RBM19: variants seen among roughly 807,000 people sequenced by gnomAD.
RBM19 encodes RNA binding motif protein 19.
RBM19 carries 94 observed loss-of-function variants against 116.8 expected under a neutral mutation model. That is an observed-to-expected ratio of 0.80 (90% CI 0.68 to 0.95). The LOEUF is 0.95. Among genes scored for constraint, RBM19 ranks in the 40% least tolerant of loss-of-function variants. The pLI is 0.00. For missense variants in RBM19, 1,161 were observed against 1,220.7 expected (o/e 0.95, Z 0.73); for synonymous variants, 475 against 494.1 (o/e 0.96, Z 0.51).
intron 22 of RBM19, among the ~76,000 whole-genome samples, chr12:113,853,633 C>G (rs895421525): frequency 6.6e-6 from 1 of 152,186 alleles, no homozygotes; most frequent in Non-Finnish European, 1.5e-5. Flanking sequence ...GAGGTGGCAG[C>G]TTCTAACTGG....
chr12:113,939,891 C>T, intron 15 of RBM19, 69 bp downstream of exon 15: 3 of 1,531,984 alleles, frequency 2.0e-6, no homozygotes, highest in East Asian at 2.3e-5. Flanking sequence ...TAGCCCACTG[C>T]ACCCTCTCCC....
At chr12:113,935,712 G>A (rs1477180127) in intron 16 of RBM19, among the ~76,000 whole-genome samples, 1 of 152,182 alleles carries the variant, frequency 6.6e-6, no homozygotes, top group Non-Finnish European at 1.5e-5. Context: ...ACAAGGCAGG[G>A]GAGGTTAGGT....
rs556689009 is a variant in RBM19, at chr12:113,878,846, G to A, written c.2559-19950C>T. On this transcript the variant is annotated intron_variant, in intron 21 of 23. Transcript: ENST00000261741. ...GAATTGAAAAAAAAAAAAAAAAAGG[G>A]GGGGGTGGTGAGAGGGTGAGATTGG... Among the ~76,000 whole-genome samples, 3 of 151,432 alleles carry A rather than the reference G, an allele frequency of 2.0e-5. No homozygotes were observed. The South Asian group carries it at 6.3e-4, about 32-fold the overall frequency.
intron 21 of RBM19, among the ~76,000 whole-genome samples, chr12:113,892,773 C>T (rs559607339): frequency 1.3e-5 from 2 of 152,126 alleles, no homozygotes; most frequent in Non-Finnish European, 2.9e-5. Flanking sequence ...CCTCCTCGCC[C>T]TCCCCTGACA....
intron 23 of RBM19, among the ~76,000 whole-genome samples, chr12:113,843,038 A>G (rs576384605): frequency 3.7e-4 from 57 of 152,308 alleles, no homozygotes; most frequent in African/African-American, 1.3e-3. Flanking sequence ...TTCCAAGTCC[A>G]CTTGTGGGGG....
At chr12:113,884,312 C>CACACAT (rs1880380873) in intron 21 of RBM19, among the ~76,000 whole-genome samples, 1 of 150,822 alleles carries the variant, frequency 6.6e-6, no homozygotes, top group African/African-American at 2.4e-5. Flanking sequence ...CACACACACA[C>CACACAT]ACACACACAC....
intron 21 of RBM19, among the ~76,000 whole-genome samples, chr12:113,873,379 C>T (rs1879428370): frequency 2.3e-5 from 1 of 44,160 alleles, no homozygotes; most frequent in African/African-American, 8.0e-5. Context: ...TGTGACCTTA[C>T]CCCCAACCCT....
At position 113,962,374 on chromosome 12, in the gene RBM19, C is replaced by T. The variant is rs984923396; in HGVS notation, c.77G>A (p.Gly26Asp). The change falls in exon 2 of 24, where the codon GGC (glycine) becomes GAC (aspartate). Residue 26 changes from glycine to aspartate, a missense_variant. By Grantham distance (94) the Gly-to-Asp change is moderately conservative. Transcript: ENST00000261741. ...ERFRQLFAAF[G>D]TLTDCSLKFT... ...CTTCAGGCTGCAGTCTGTCAGCGTG[C>T]CGAAGGCGGCAAACAGCTGCCTGAA... 1.2e-6 allele frequency: 2 copies of T among 1,614,090 alleles called. No homozygotes were observed. The highest frequency in any genetic ancestry group is 1.7e-6 in the Non-Finnish European group (2 of 1,180,012).
intron 21 of RBM19, among the ~76,000 whole-genome samples, chr12:113,863,914 C>T (rs961709558): frequency 1.3e-5 from 2 of 152,244 alleles, no homozygotes; most frequent in African/African-American, 4.8e-5. Context: ...ACACGCACAT[C>T]TGTCCATTCA....
At chr12:113,854,474 C>G (rs1477816516) in intron 22 of RBM19, among the ~76,000 whole-genome samples, 1 of 152,084 alleles carries the variant, frequency 6.6e-6, no homozygotes, top group Admixed American at 6.5e-5. Flanking sequence ...CTCCTTCCCC[C>G]ATCAACCTCT....
intron 21 of RBM19, among the ~76,000 whole-genome samples, chr12:113,865,606 G>C (rs950686560): frequency 6.6e-6 from 1 of 152,102 alleles, no homozygotes; most frequent in African/African-American, 2.4e-5. Context: ...CCGAGTGCCA[G>C]GTCCCTATAC....
At position 113,960,055 on chromosome 12, in the gene RBM19, A is replaced by T; in HGVS notation, c.339+4T>A. 1 of 1,614,174 alleles carries T rather than the reference A, an allele frequency of 6.2e-7. No homozygotes were observed. Among genetic ancestry groups the T allele is most frequent in the Non-Finnish European group, 8.5e-7 (1 of 1,180,030 alleles). On this transcript the variant is annotated splice_donor_region_variant and intron_variant, in intron 3 of 23. Coordinates refer to ENST00000261741, the MANE Select transcript of RBM19 (RefSeq NM_016196.4). ...GACAGAGGCTAGAGTGACCCTTTAC[A>T]TACTTTCTTAATTTCTGGAGTAGTA...
At chr12:113,957,288 T>C (rs535033383) in intron 6 of RBM19, among the ~76,000 whole-genome samples, 1 of 152,216 alleles carries the variant, frequency 6.6e-6, no homozygotes, top group Non-Finnish European at 1.5e-5. Flanking sequence ...AGAAAATAAA[T>C]GCAGAGGCTG....
intron 21 of RBM19, among the ~76,000 whole-genome samples, chr12:113,881,468 G>A (rs1880123270): frequency 6.6e-6 from 1 of 152,094 alleles, no homozygotes; most frequent in East Asian, 1.9e-4. Flanking sequence ...CTCTACTTTT[G>A]GGGGAGGAAA....
At chr12:113,942,490 C>T in intron 13 of RBM19, 56 bp from the exon 14 acceptor site, 2 of 1,430,844 alleles carry the variant, frequency 1.4e-6, no homozygotes, top group Non-Finnish European at 1.9e-6. Context: ...GACTTGCTGG[C>T]CCTCCCATCT....
chr12:113,910,508 C>T (rs1434145352), intron 21 of RBM19, among the ~76,000 whole-genome samples: 5 of 152,182 alleles, frequency 3.3e-5, no homozygotes, highest in African/African-American at 1.2e-4. Flanking sequence ...TTTGCAGAAC[C>T]TCCTTCCTGG....
chr12:113,826,851 T>C (rs1874906345), intron 23 of RBM19, among the ~76,000 whole-genome samples: 1 of 152,092 alleles, frequency 6.6e-6, no homozygotes, highest in African/African-American at 2.4e-5. Context: ...GGGCGGGGGC[T>C]CTTACGCGGA....
intron 21 of RBM19, among the ~76,000 whole-genome samples, chr12:113,909,530 G>T (rs1882294310): frequency 6.6e-6 from 1 of 152,176 alleles, no homozygotes; most frequent in Non-Finnish European, 1.5e-5. Context: ...TGACTCCAAT[G>T]GCTGGAAGGC....
intron 17 of RBM19, among the ~76,000 whole-genome samples, chr12:113,926,848 G>A (rs986231860): frequency 1.3e-5 from 2 of 152,196 alleles, no homozygotes; most frequent in Non-Finnish European, 2.9e-5. Context: ...CAGGGCCCCC[G>A]GCCAGCCTTG....
Sources: allele counts gnomAD v4.1 joint callset (sites outside exome capture counted in the v4.1 genomes callset), GRCh38; gene constraint gnomAD v4.1.1; transcripts MANE v1.5; gene names NCBI Gene and HGNC (gene_info 2026-07-23, HGNC 2026-07-21).